The following CERS1 variants were observed in gnomAD, a reference collection of about 807,000 sequenced individuals.
CERS1 encodes the protein ceramide synthase 1.
CERS1 carries 16 observed loss-of-function variants against 35.7 expected under a neutral mutation model. The observed-to-expected ratio is 0.45, with a 90% CI of 0.30 to 0.68. The LOEUF is 0.68. Among genes scored for constraint, CERS1 ranks in the 30% least tolerant of loss-of-function variants. The pLI, the probability that CERS1 is intolerant of heterozygous loss-of-function variation, is 0.08. For synonymous variants in CERS1, 243 were observed against 201.6 expected, an observed-to-expected ratio of 1.21 and a Z score of -1.74; for missense variants, 454 against 453.9, an observed-to-expected ratio of 1.00 and a Z score of 0.00.
rs1235036463 is a variant in CERS1 at position 18,895,191 on chromosome 19, G to A, written c.249+633C>T. Among the ~76,000 whole-genome samples, 1 of 152,248 alleles carries A rather than the reference G, an allele frequency of 6.6e-6. No homozygotes were observed. Among genetic ancestry groups the A allele is most frequent in the Non-Finnish European group, 1.5e-5 (1 of 68,046 alleles). ...AGGCCCTTGCCATCCCTGGTCGGAG[G>A]GTGGCGCTGACCCCAGATAGGCACA... On this transcript the variant is annotated intron_variant, in intron 1 of 7. Coordinates refer to ENST00000623882, the MANE Select transcript of CERS1 (RefSeq NM_021267.5). This position sits in a 1 kb window ranked among gnomAD's most constrained non-coding sequence, Gnocchi z 6.4.
chr19:18,896,504 G>C (rs1377675328), upstream of CERS1: 1 of 152,704 alleles, frequency 6.5e-6, no homozygotes, highest in African/African-American at 2.4e-5. The surrounding 1 kb of genome is among the most constrained non-coding windows in gnomAD (Gnocchi z 5.9). Context: ...GCTTCTCCCG[G>C]CCCTCCAGCA....
At chr19:18,882,448 C>T (rs988146187) in intron 3 of CERS1, among the ~76,000 whole-genome samples, 9 of 151,554 alleles carry the variant, frequency 5.9e-5, no homozygotes, top group African/African-American at 2.2e-4. Flanking sequence ...GCCTGGCCAA[C>T]ATGGTGAAAC....
intron 2 of CERS1, 75 bp downstream of exon 2, chr19:18,893,341 A>G (rs1179712009): frequency 2.0e-6 from 3 of 1,480,108 alleles, no homozygotes; most frequent in Non-Finnish European, 1.8e-6. Context: ...CTGCCTCATG[A>G]GTAGCTGGGA....
intron 2 of CERS1, among the ~76,000 whole-genome samples, chr19:18,887,941 C>T (rs1024543869): frequency 2.6e-5 from 4 of 152,312 alleles, no homozygotes; most frequent in Non-Finnish European, 1.5e-5. Flanking sequence ...TGGCACCCCC[C>T]ATCCCACTTT....
Position 18,870,961 on chromosome 19 carries a change from C to T in CERS1, c.1011-342G>A, listed in dbSNP as rs1392017391. On this transcript the variant is annotated intron_variant, in intron 6 of 7. Transcript: ENST00000623882. The surrounding 1 kb of genome is among the most constrained non-coding windows in gnomAD (Gnocchi z 5.1). ...ACCGGCCTGGGCCTGACAACTCCAC[C>T]GCCTCCACAGTGGGACCCTGCACAT... Among the ~76,000 whole-genome samples, 2 of 152,186 alleles carry T rather than the reference C, an allele frequency of 1.3e-5. No homozygotes were observed. The highest frequency in any genetic ancestry group is 2.4e-5 in the African/African-American group (1 of 41,448).
rs776349995 is a variant in CERS1 at position 18,869,967 on chromosome 19, C to G, written c.*594+16G>C. The G allele has an allele frequency of 2.5e-6, 4 of 1,572,870 alleles. No homozygotes were observed. The highest frequency in any genetic ancestry group is 2.3e-5 in the South Asian group (2 of 85,840). Reference sequence around the variant, plus strand: ...TGGCCTCCAGGACCAGTGTCCCCAGCGAAAGCCCCACTCACCGCGGTCCGG... The same window carrying G: ...TGGCCTCCAGGACCAGTGTCCCCAGGGAAAGCCCCACTCACCGCGGTCCGG... On this transcript the variant is annotated intron_variant, in intron 7 of 7. Coordinates refer to ENST00000623882, the MANE Select transcript of CERS1 (RefSeq NM_021267.5).
At chr19:18,873,682 A>T (rs1470710521) in intron 6 of CERS1, among the ~76,000 whole-genome samples, 1 of 151,892 alleles carries the variant, frequency 6.6e-6, no homozygotes, top group Admixed American at 6.6e-5. Context: ...CTACTAAAAA[A>T]AATACAACTA....
At chr19:18,893,801 G>T (rs1171791922) in intron 1 of CERS1, among the ~76,000 whole-genome samples, 1 of 152,134 alleles carries the variant, frequency 6.6e-6, no homozygotes, top group African/African-American at 2.4e-5. Flanking sequence ...AGGGGAGTGA[G>T]GGGGGAGGCC....
chr19:18,883,989 A>G, intron 3 of CERS1, 98 bp downstream of exon 3: 1 of 1,315,902 alleles, frequency 7.6e-7, no homozygotes, highest in South Asian at 1.4e-5. Flanking sequence ...ACCTGATGTG[A>G]TCCCCTCCAC....
rs772007237 is a variant in CERS1, at chr19:18,879,324, G to A, written c.817C>T (p.Arg273Cys). The stretch of plus-strand genomic sequence containing the variant: ...TAGAAGGGGATGTCAGGCACCGTGC[G>A]CAGACTGCAGTGACTGGTGGCATAC... The part of the protein sequence containing the change: ...VLYATSHCSL[R>C]TVPDIPFYFF... Residue 273 changes from arginine to cysteine, a missense_variant, in exon 5 of 8, where the codon CGC becomes TGC. Arg to Cys is a radical substitution (Grantham distance 180). Transcript: ENST00000623882. 4.1e-5 allele frequency: 66 copies of A among 1,608,344 alleles called. No homozygotes were observed. Among genetic ancestry groups the A allele is most frequent in the Non-Finnish European group, 5.3e-5 (62 of 1,177,502 alleles).
At chr19:18,896,630 T>A (rs1211044832), upstream of CERS1, 2 of 152,316 alleles carry the variant, frequency 1.3e-5, no homozygotes, top group East Asian at 1.9e-4. The surrounding 1 kb of genome is among the most constrained non-coding windows in gnomAD (Gnocchi z 5.9). Context: ...CTTGGGACCA[T>A]CCCGTGGCCC....
intron 2 of CERS1, among the ~76,000 whole-genome samples, chr19:18,888,408 C>T (rs915556917): frequency 1.6e-4 from 24 of 148,990 alleles, no homozygotes; most frequent in Admixed American, 5.4e-4. Flanking sequence ...ATCCCAGCCA[C>T]TCATGAGGCT....
rs1403621211 is a variant in CERS1 at position 18,884,096 on chromosome 19, T to A, written c.581A>T (p.Tyr194Phe). The A allele has an allele frequency of 3.1e-6, 5 of 1,612,442 alleles. No homozygotes were observed. Among genetic ancestry groups the A allele is most frequent in the Non-Finnish European group, 4.2e-6 (5 of 1,179,220 alleles). Residue 194 changes from tyrosine to phenylalanine, a missense_variant, in exon 3 of 8, where the codon TAC becomes TTC. Coordinates refer to ENST00000623882, the MANE Select transcript of CERS1 (RefSeq NM_021267.5). ...CCGATCCTGTCCTTACCGGAAGGCG[T>A]AGGAGGAGACGATGAGGATGAGAGT... ...VVTLILIVSS[Y>F]AFRYHNVGIL...
At chr19:18,873,102 A>G (rs997281009) in intron 6 of CERS1, among the ~76,000 whole-genome samples, 7 of 151,780 alleles carry the variant, frequency 4.6e-5, no homozygotes, top group Non-Finnish European at 1.0e-4. Flanking sequence ...AGGAGACAAG[A>G]CCCCCTGGGC....
chr19:18,876,722 G>C (rs1203094658), intron 6 of CERS1, among the ~76,000 whole-genome samples: 3 of 152,094 alleles, frequency 2.0e-5, no homozygotes, highest in South Asian at 4.1e-4. Context: ...GATTTACAGA[G>C]ATGCTACAAA....
chr19:18,878,985 C>G lies in CERS1; in HGVS notation c.955G>C (p.Asp319His). 1 of 1,613,848 alleles carries G rather than the reference C, an allele frequency of 6.2e-7. No homozygotes were observed. Among genetic ancestry groups the G allele is most frequent in the Non-Finnish European group, 8.5e-7 (1 of 1,179,852 alleles). ...TCGGCTGTGTCATACTCCCGCAGGTCCTTCAGCTCGTGCACCTGGCCTGTC... is the reference window on the plus strand; with the variant it reads ...TCGGCTGTGTCATACTCCCGCAGGTGCTTCAGCTCGTGCACCTGGCCTGTC... ...VLTGQVHELK[D>H]LREYDTAEAQ... Residue 319 changes from aspartate to histidine, a missense_variant, in exon 6 of 8, where the codon GAC becomes CAC. Asp to His is a moderately conservative substitution (Grantham distance 81, BLOSUM62 -1). Transcript: ENST00000623882. This position sits in a 1 kb window ranked among gnomAD's most constrained non-coding sequence, Gnocchi z 4.6.
intron 2 of CERS1, among the ~76,000 whole-genome samples, chr19:18,892,354 C>A (rs1217697527): frequency 2.0e-5 from 3 of 152,024 alleles, no homozygotes; most frequent in Non-Finnish European, 1.5e-5. Flanking sequence ...GTGGCTCACA[C>A]CTGTAATCCC....
chr19:18,870,240 G>C lies in CERS1; in HGVS notation c.*337C>G. On this transcript the variant is annotated 3_prime_UTR_variant, in exon 7 of 8. Transcript: ENST00000623882. This position sits in a 1 kb window ranked among gnomAD's most constrained non-coding sequence, Gnocchi z 5.1. Reference sequence around the variant, plus strand: ...CACGGGGGCGCGGGTCAGGGGCAGCGAGGGCAGCAGCAGGGCCAGGAGGAG... The same window carrying C: ...CACGGGGGCGCGGGTCAGGGGCAGCCAGGGCAGCAGCAGGGCCAGGAGGAG... The C allele has an allele frequency of 6.4e-7, 1 of 1,553,280 alleles. No homozygotes were observed. Among genetic ancestry groups the C allele is most frequent in the South Asian group, 1.2e-5 (1 of 84,920 alleles).
intron 2 of CERS1, among the ~76,000 whole-genome samples, chr19:18,888,889 C>CTT (rs756124590): frequency 0.013 from 1,538 of 122,876 alleles, 49 homozygotes; most frequent in African/African-American, 0.044. Context: ...TTCTTTCTTT[C>CTT]TTTTTTTTTT....
Sources: gnomAD v4.1 joint callset for allele counts (sites outside exome capture counted in the v4.1 genomes callset) on GRCh38, gnomAD v4.1.1 for gene constraint, Gnocchi (gnomAD v3.1) non-coding constraint, MANE v1.5 for transcripts, NCBI Gene and HGNC (gene_info 2026-07-23, HGNC 2026-07-21) for gene names.